ENTPD1: variants seen among roughly 807,000 people sequenced by gnomAD.
ENTPD1 encodes the protein ectonucleoside triphosphate diphosphohydrolase 1.
ENTPD1 carries 33 observed loss-of-function variants against 57.0 expected under a neutral mutation model. That is an observed-to-expected ratio of 0.58 (90% confidence interval 0.44 to 0.77). The LOEUF (loss-of-function observed/expected upper bound fraction) is 0.77. Ranked by LOEUF, ENTPD1 falls within the 30% of genes least tolerant of loss-of-function variation. The pLI, the probability that ENTPD1 is intolerant of heterozygous loss-of-function variation, is 0.00. For missense variants in ENTPD1, 501 were observed against 603.4 expected, an observed-to-expected ratio of 0.83 and a Z score of 1.78; for synonymous variants, 202 against 218.8, an observed-to-expected ratio of 0.92 and a Z score of 0.68.
In ENTPD1 at chr10:95,870,620, A is replaced by G; in HGVS notation, c.*4237A>G. 10 of 985,490 alleles carry G rather than the reference A, an allele frequency of 1.0e-5. No homozygotes were observed. Among genetic ancestry groups the G allele is most frequent in the Non-Finnish European group, 9.6e-6 (8 of 829,942 alleles). The allele number at this position is 985,490 out of a possible 1,614,324, so 61.0% of individuals were successfully genotyped here. On this transcript the variant is annotated 3_prime_UTR_variant, in exon 10 of 10. Transcript: ENST00000371205. ...TAGCTCACAGAACAAAGTTTGCCAC[A>G]TAATGATAAAATTACTATGAAAATA...
At chr10:95,846,716 G>A (rs1428760726) in intron 6 of ENTPD1, among the ~76,000 whole-genome samples, 1 of 152,040 alleles carries the variant, frequency 6.6e-6, no homozygotes, top group African/African-American at 2.4e-5. Context: ...GGCCAGGCGT[G>A]GTGGCTCACA....
chr10:95,784,202 C>T (rs1264568238), intron 1 of ENTPD1, among the ~76,000 whole-genome samples: 1 of 151,102 alleles, frequency 6.6e-6, no homozygotes, highest in Admixed American at 6.6e-5. Flanking sequence ...CCCAGGGACA[C>T]TGAAGTCAGG....
At chr10:95,699,606 CAA>C in the ENTPD1 span, among the ~76,000 whole-genome samples, 7 of 99,540 alleles carry the variant, frequency 7.0e-5, no homozygotes, top group Non-Finnish European at 1.2e-4. Context: ...AAATCCTGTC[CAA>C]AAAAAAAGAA....
chr10:95,792,165 C>G (rs1032572626), intron 1 of ENTPD1, among the ~76,000 whole-genome samples: 1 of 152,138 alleles, frequency 6.6e-6, no homozygotes, highest in Non-Finnish European at 1.5e-5. Flanking sequence ...ACAACCCACC[C>G]TGCTTTGCCT....
chr10:95,709,342 A>G (rs2097963749), upstream of ENTPD1, among the ~76,000 whole-genome samples: 1 of 151,346 alleles, frequency 6.6e-6, no homozygotes, highest in Non-Finnish European at 1.5e-5. Context: ...TCTCCCTGAA[A>G]ATCTCTCCTC....
At chr10:95,799,761 A>G (rs2098241104) in intron 1 of ENTPD1, among the ~76,000 whole-genome samples, 1 of 152,226 alleles carries the variant, frequency 6.6e-6, no homozygotes, top group African/African-American at 2.4e-5. Context: ...CCAATTGTGT[A>G]TAAGCGTTCT....
chr10:95,820,821 A>G (rs2098347887), intron 1 of ENTPD1, among the ~76,000 whole-genome samples: 1 of 152,222 alleles, frequency 6.6e-6, no homozygotes, highest in African/African-American at 2.4e-5. Context: ...CTTGCTAACT[A>G]GATTGTAAAT....
intron 1 of ENTPD1, among the ~76,000 whole-genome samples, chr10:95,739,937 T>C (rs1170664456): frequency 6.6e-6 from 1 of 152,240 alleles, no homozygotes; most frequent in Non-Finnish European, 1.5e-5. Flanking sequence ...CATCTTCTTG[T>C]ACATTTCCAT....
In ENTPD1 at chr10:95,866,624, G is replaced by A; in HGVS notation, c.*241G>A. 7.4e-7 allele frequency: 1 copy of A among 1,357,144 alleles called. No homozygotes were observed. The allele number at this position is 1,357,144 out of a possible 1,614,324, so 84.1% of individuals were successfully genotyped here. A position where few individuals can be genotyped will look rare whatever the true frequency, so the allele number is the denominator to read the frequency against. On this transcript the variant is annotated 3_prime_UTR_variant, in exon 10 of 10. Transcript: ENST00000371205. ...TTTCCCAGCTACACCTTTCTCCTTT[G>A]TACTTTGTGCTTGTATAGGTTTTAA...
At position 95,828,653 on chromosome 10, in the gene ENTPD1, C is replaced by T. The variant is rs184207096; in HGVS notation, c.144+5289C>T. Among the ~76,000 whole-genome samples, 44 of 151,680 alleles carry T rather than the reference C, an allele frequency of 2.9e-4. 1 individual carries two copies. The highest frequency in any genetic ancestry group is 1.0e-3 in the African/African-American group (43 of 41,350). ...GCTTTGCAGTTATAAATCATTTCCA[C>T]ATGCATTTCCATTTTTTCTTCCCGT... On this transcript the variant is annotated intron_variant, in intron 2 of 9. Coordinates refer to ENST00000371205, the MANE Select transcript of ENTPD1 (RefSeq NM_001776.6).
intron 1 of ENTPD1, chr10:95,756,495 T>C: frequency 1.8e-6 from 1 of 544,368 alleles, no homozygotes; most frequent in Non-Finnish European, 3.3e-6. Flanking sequence ...TCATGAATAT[T>C]CATTATCAAT....
chr10:95,846,252 A>G, intron 6 of ENTPD1: 1 of 153,218 alleles, frequency 6.5e-6, no homozygotes, highest in Non-Finnish European at 1.5e-5. Context: ...GGTGGCACAT[A>G]CCTGTAATCC....
At chr10:95,746,000 G>A (rs2098005674) in intron 1 of ENTPD1, among the ~76,000 whole-genome samples, 1 of 152,202 alleles carries the variant, frequency 6.6e-6, no homozygotes, top group African/African-American at 2.4e-5. Flanking sequence ...CAGTCCCACA[G>A]CTGCTGGTTG....
chr10:95,855,988 T>C (rs2098453940), intron 7 of ENTPD1, among the ~76,000 whole-genome samples: 2 of 152,254 alleles, frequency 1.3e-5, no homozygotes, highest in Admixed American at 1.3e-4. Context: ...TGGCTTGCCT[T>C]GCTAGATTGG....
chr10:95,726,023 T>C (rs2097983235), intron 1 of ENTPD1, among the ~76,000 whole-genome samples: 1 of 152,212 alleles, frequency 6.6e-6, no homozygotes, highest in African/African-American at 2.4e-5. Flanking sequence ...CCAAGCTGTG[T>C]CCATGTTATG....
intron 2 of ENTPD1, among the ~76,000 whole-genome samples, chr10:95,827,802 G>A (rs1489838067): frequency 6.6e-6 from 1 of 152,186 alleles, no homozygotes; most frequent in Non-Finnish European, 1.5e-5. Flanking sequence ...AATTGTTAAT[G>A]AGATATGTTA....
At chr10:95,733,014 A>G (rs900497882) in intron 1 of ENTPD1, among the ~76,000 whole-genome samples, 1 of 152,228 alleles carries the variant, frequency 6.6e-6, no homozygotes, top group African/African-American at 2.4e-5. Context: ...GCAGACAACC[A>G]GTCTGACTAA....
At chr10:95,698,873 G>T in the ENTPD1 span, among the ~76,000 whole-genome samples, 1 of 152,172 alleles carries the variant, frequency 6.6e-6, no homozygotes, top group Non-Finnish European at 1.5e-5. Context: ...CAAAAACCCT[G>T]CAGGTGGAAT....
Position 95,798,838 on chromosome 10 carries a change from G to C in ENTPD1, c.17-24399G>C, listed in dbSNP as rs565824794. Reference sequence around the variant, plus strand: ...TTGTTGTAACTCTGAAGGAGAAAAGGCATGTGGAATTACTATTGTCTGCAT... The same window carrying C: ...TTGTTGTAACTCTGAAGGAGAAAAGCCATGTGGAATTACTATTGTCTGCAT... On this transcript the variant is annotated intron_variant, in intron 1 of 9. Transcript: ENST00000371205. Among the ~76,000 whole-genome samples, 3 of 152,292 alleles carry C rather than the reference G, an allele frequency of 2.0e-5. No homozygotes were observed. In the East Asian group the frequency reaches 5.8e-4, roughly 29 times the overall value.
Sources: allele counts gnomAD v4.1 joint callset (sites outside exome capture counted in the v4.1 genomes callset), GRCh38; gene constraint gnomAD v4.1.1; transcripts MANE v1.5; gene names NCBI Gene and HGNC (gene_info 2026-07-23, HGNC 2026-07-21).